The following ERBIN variants were observed in gnomAD, a reference collection of about 807,000 sequenced individuals.
ERBIN encodes erbb2 interacting protein, also known as densin-180-like protein.
Under a neutral mutation model 158.4 loss-of-function variants are expected in ERBIN, and 60 were observed. That is an observed-to-expected ratio of 0.38 (90% confidence interval 0.31 to 0.47). The LOEUF is 0.47. Among genes scored for constraint, ERBIN ranks in the 20% least tolerant of loss-of-function variants. The probability of loss-of-function intolerance (pLI) is 0.99; values close to 1 mark genes in which losing one functional copy is unlikely to be tolerated. For synonymous variants in ERBIN, 594 were observed against 557.2 expected (o/e 1.07, Z -0.93); for missense variants, 1,610 against 1,648.0 (o/e 0.98, Z 0.40).
chr5:66,000,534 A>G (rs1467419804), intron 4 of ERBIN, among the ~76,000 whole-genome samples: 2 of 152,154 alleles, frequency 1.3e-5, no homozygotes, highest in Non-Finnish European at 2.9e-5. Flanking sequence ...GTTGGAGATA[A>G]TCTTTATGTG....
At chr5:66,004,375 TGTGCGTGTGTGTGTGCGCGCGCGTGC>T (rs1753340808) in intron 4 of ERBIN, among the ~76,000 whole-genome samples, 1 of 151,136 alleles carries the variant, frequency 6.6e-6, no homozygotes, top group African/African-American at 2.5e-5. Flanking sequence ...TCAGTCTGTG[TGTGCGTGTGTGTGTGCGCGCGCGTGC>T]GTGTGTGTAT....
rs1471676387 is a variant in ERBIN, at chr5:66,081,928, CA to C, written c.*3399del. On this transcript the variant is annotated 3_prime_UTR_variant, in exon 26 of 26. Coordinates refer to ENST00000284037, the MANE Select transcript of ERBIN (RefSeq NM_001253697.2). ...AAAAAAAAAGAAAAAGTAATCTAGA[CA>C]GGCAGCCAACTCAGACCTTTGGGTA... The C allele has an allele frequency of 6.6e-6, 1 of 151,722 alleles. No homozygotes were observed. The allele number at this position is 151,722 out of a possible 1,614,324, so 9.4% of individuals were successfully genotyped here.
intron 21 of ERBIN, among the ~76,000 whole-genome samples, chr5:66,066,530 A>AT (rs1761016264): frequency 6.7e-6 from 1 of 148,746 alleles, no homozygotes; most frequent in African/African-American, 2.6e-5. Context: ...AATAAAAAAA[A>AT]AAAAACAAAA....
At chr5:66,071,125 A>G (rs1761490723) in intron 21 of ERBIN, among the ~76,000 whole-genome samples, 1 of 152,140 alleles carries the variant, frequency 6.6e-6, no homozygotes, top group Admixed American at 6.5e-5. Flanking sequence ...AGGCCGAGGC[A>G]GGAGGATCAC....
intron 8 of ERBIN, among the ~76,000 whole-genome samples, chr5:66,021,779 A>G (rs771400834): frequency 2.6e-5 from 4 of 152,100 alleles, no homozygotes; most frequent in Non-Finnish European, 5.9e-5. Flanking sequence ...CTTCTCTATA[A>G]TGTTACTTAA....
chr5:65,973,076 A>T (rs1180751221), intron 1 of ERBIN, among the ~76,000 whole-genome samples: 1 of 150,972 alleles, frequency 6.6e-6, no homozygotes, highest in Non-Finnish European at 1.5e-5. Context: ...AATACTATGC[A>T]GCCATAAAAA....
intron 1 of ERBIN, among the ~76,000 whole-genome samples, chr5:65,973,478 A>G (rs1749502280): frequency 6.6e-6 from 1 of 151,344 alleles, no homozygotes; most frequent in Admixed American, 6.6e-5. Flanking sequence ...GCATTTTAAT[A>G]GAGGATGTAT....
At position 66,053,708 on chromosome 5, in the gene ERBIN, G is replaced by A. The variant is rs780890106; in HGVS notation, c.2390G>A (p.Ser797Asn). 9 of 1,613,720 alleles carry A rather than the reference G, an allele frequency of 5.6e-6. No individual in the cohort carries two copies. The highest frequency in any genetic ancestry group is 1.1e-5 in the South Asian group (1 of 91,072). ...QDIVLGTSFL[S>N]INSKEETEHL... is the part of the protein sequence containing the mutation. ...ATTGTGCTTGGAACAAGCTTTTTAA[G>A]CATTAATTCTAAAGAGGAAACTGAG... Residue 797 changes from serine to asparagine, a missense_variant, in exon 21 of 26, where the codon AGC (serine) becomes AAC (asparagine). Coordinates refer to ENST00000284037, the MANE Select transcript of ERBIN (RefSeq NM_001253697.2).
intron 1 of ERBIN, among the ~76,000 whole-genome samples, chr5:65,942,293 G>GT (rs202157803): frequency 5.3e-5 from 8 of 151,892 alleles, no homozygotes; most frequent in Admixed American, 2.6e-4. Flanking sequence ...GACTCTGTTG[G>GT]TTTTTTTTGC....
intron 6 of ERBIN, among the ~76,000 whole-genome samples, chr5:66,014,247 G>A (rs1754492301): frequency 6.6e-6 from 1 of 152,060 alleles, no homozygotes; most frequent in South Asian, 2.1e-4. Flanking sequence ...TTTCTCTCTA[G>A]TTTTAGTGGA....
chr5:65,994,403 A>G (rs892786354), intron 3 of ERBIN, among the ~76,000 whole-genome samples: 1 of 152,204 alleles, frequency 6.6e-6, no homozygotes, highest in Non-Finnish European at 1.5e-5. Context: ...CTCTTCTTAA[A>G]TAGGGCTTTC....
At chr5:65,994,921 A>G (rs970690019) in intron 4 of ERBIN, 57 bp downstream of exon 4, 1 of 972,538 alleles carries the variant, frequency 1.0e-6, no homozygotes, top group Non-Finnish European at 1.6e-6. Context: ...CATTACTAAG[A>G]TTTCTATTGA....
In ERBIN at chr5:66,018,519, A is replaced by T. The variant is rs1164977075; in HGVS notation, c.534-2803A>T. 1.3e-3 allele frequency among the ~76,000 whole-genome samples: 13 copies of T among 10,130 alleles called. 2 individuals are homozygous for T. The highest frequency in any genetic ancestry group is 0.011 in the East Asian group (8 of 728). The allele number at this position is 10,130 out of a possible 152,430, so 6.6% of individuals were successfully genotyped here. A position where few individuals can be genotyped will look rare whatever the true frequency, so the allele number is the denominator to read the frequency against. On this transcript the variant is annotated intron_variant, in intron 7 of 25. Coordinates refer to ENST00000284037, the MANE Select transcript of ERBIN (RefSeq NM_001253697.2). The stretch of plus-strand genomic sequence containing the variant: ...ATATAATATATATTATATATTATAT[A>T]ATATATATTATATTATATAATATAT...
At chr5:65,984,252 G>A (rs1300468894) in intron 1 of ERBIN, among the ~76,000 whole-genome samples, 1 of 151,154 alleles carries the variant, frequency 6.6e-6, no homozygotes, top group African/African-American at 2.5e-5. Flanking sequence ...AGGCAGTGGG[G>A]CCCCTGCCCA....
intron 3 of ERBIN, among the ~76,000 whole-genome samples, chr5:65,993,816 G>C (rs951152466): frequency 6.6e-6 from 1 of 152,054 alleles, no homozygotes; most frequent in African/African-American, 2.4e-5. Flanking sequence ...TAGTGTAAGT[G>C]TGTCCCATAA....
intron 1 of ERBIN, among the ~76,000 whole-genome samples, chr5:65,974,163 G>A (rs1188124690): frequency 6.6e-6 from 1 of 151,660 alleles, no homozygotes; most frequent in Non-Finnish European, 1.5e-5. Flanking sequence ...GAGTTTTATT[G>A]CAGCAAAAAC....
At chr5:65,948,103 A>G (rs558820739) in intron 1 of ERBIN, among the ~76,000 whole-genome samples, 2 of 152,030 alleles carry the variant, frequency 1.3e-5, no homozygotes, top group South Asian at 4.2e-4. Context: ...GTTGAGAACG[A>G]TTTTACAGCA....
intron 2 of ERBIN, among the ~76,000 whole-genome samples, chr5:65,988,963 A>G (rs528447101): frequency 6.1e-5 from 9 of 146,532 alleles, no homozygotes; most frequent in Non-Finnish European, 1.3e-4. Flanking sequence ...AGCCTGGGCA[A>G]CAGAGTGTGA....
chr5:66,039,653 A>T (rs1422581571), intron 15 of ERBIN, among the ~76,000 whole-genome samples: 1 of 151,984 alleles, frequency 6.6e-6, no homozygotes, highest in Admixed American at 6.6e-5. Context: ...TTGTTCACAT[A>T]AAACAGTAAT....
Sources: gnomAD v4.1 joint callset for allele counts (sites outside exome capture counted in the v4.1 genomes callset) on GRCh38, gnomAD v4.1.1 for gene constraint, MANE v1.5 for transcripts, NCBI Gene and HGNC (gene_info 2026-07-23, HGNC 2026-07-21) for gene names.